The following RASGRF1 variants were observed in gnomAD, a reference collection of about 807,000 sequenced individuals.
The protein encoded by RASGRF1 is ras-specific guanine nucleotide-releasing factor 1.
In RASGRF1, 40 loss-of-function variants were observed where a neutral mutation model predicts 138.7. The observed-to-expected ratio is 0.29, with a 90% CI of 0.22 to 0.38. RASGRF1 has a LOEUF of 0.38. Among genes scored for constraint, RASGRF1 ranks in the 10% least tolerant of loss-of-function variants. RASGRF1 has a pLI of 1.00. For missense variants in RASGRF1, 1,108 were observed against 1,650.4 expected (o/e 0.67, Z 5.69); for synonymous variants, 614 against 663.2 (o/e 0.93, Z 1.14).
chr15:79,063,866 G>A (rs770415565), intron 2 of RASGRF1, among the ~76,000 whole-genome samples: 1 of 152,158 alleles, frequency 6.6e-6, no homozygotes, highest in Admixed American at 6.5e-5. Context: ...AGCCCCTGTT[G>A]TCTCTGTGGC....
At chr15:78,978,358 G>A (rs768081821) in intron 24 of RASGRF1, 6 of 262,470 alleles carry the variant, frequency 2.3e-5, no homozygotes, top group Non-Finnish European at 3.5e-5. Context: ...CCAAGTAGCT[G>A]GGATTATAGG....
chr15:78,985,458 A>C, intron 22 of RASGRF1: 1 of 399,050 alleles, frequency 2.5e-6, no homozygotes. Flanking sequence ...AACAATGGGA[A>C]TCTGTAAATA....
intron 25 of RASGRF1, among the ~76,000 whole-genome samples, chr15:78,972,888 G>A (rs1364257757): frequency 6.6e-6 from 1 of 152,108 alleles, no homozygotes; most frequent in Non-Finnish European, 1.5e-5. Flanking sequence ...AGCAAGTGTC[G>A]ATACGAACAA....
chr15:79,034,139 AAGG>A (rs1421573219), intron 6 of RASGRF1, among the ~76,000 whole-genome samples: 1 of 152,236 alleles, frequency 6.6e-6, no homozygotes, highest in Non-Finnish European at 1.5e-5. Flanking sequence ...GCCTGAGGGC[AAGG>A]GAGCTCTGGA....
At chr15:79,011,098 T>C (rs1306523898) in intron 13 of RASGRF1, among the ~76,000 whole-genome samples, 1 of 152,088 alleles carries the variant, frequency 6.6e-6, no homozygotes, top group Admixed American at 6.5e-5. Flanking sequence ...CCAGCTAGGC[T>C]ATCCGCTCCC....
intron 4 of RASGRF1, among the ~76,000 whole-genome samples, chr15:79,048,885 G>A (rs2057390582): frequency 6.6e-6 from 1 of 152,230 alleles, no homozygotes; most frequent in South Asian, 2.1e-4. Context: ...AGTCTGGCAA[G>A]CTACAAACAC....
At chr15:79,008,098 C>T (rs2056721121) in intron 13 of RASGRF1, among the ~76,000 whole-genome samples, 1 of 152,240 alleles carries the variant, frequency 6.6e-6, no homozygotes, top group African/African-American at 2.4e-5. Flanking sequence ...GCCTTGGCCT[C>T]CCAGAGTGCT....
At chr15:79,057,445 TGCAA>T (rs2057525980) in intron 3 of RASGRF1, among the ~76,000 whole-genome samples, 1 of 152,256 alleles carries the variant, frequency 6.6e-6, no homozygotes, top group Admixed American at 6.5e-5. Flanking sequence ...CATCAGACCC[TGCAA>T]ATTAGATACC....
At chr15:78,989,533 G>A (rs939525955) in intron 22 of RASGRF1, among the ~76,000 whole-genome samples, 3 of 151,202 alleles carry the variant, frequency 2.0e-5, no homozygotes, top group African/African-American at 4.9e-5. Flanking sequence ...TTAAACATTC[G>A]CTCAGCACTG....
intron 26 of RASGRF1, among the ~76,000 whole-genome samples, chr15:78,970,794 A>G (rs900506133): frequency 6.7e-6 from 1 of 149,874 alleles, no homozygotes; most frequent in African/African-American, 2.5e-5. Context: ...TTTTTATTAA[A>G]CAATTTTTTT....
intron 20 of RASGRF1, among the ~76,000 whole-genome samples, chr15:78,994,661 A>G (rs2056351251): frequency 6.6e-6 from 1 of 152,334 alleles, no homozygotes; most frequent in Admixed American, 6.5e-5. Flanking sequence ...GGAAGTGCAC[A>G]AGACCATCAT....
In RASGRF1 at chr15:79,005,661, G is replaced by A. The variant is rs2056654661; in HGVS notation, c.2075+525C>T. Reference sequence around the variant, plus strand: ...ACTCACCCCAAGTAGGCCAAAAAGGGCTCCATCATTTCTTAGAGTAGGAGG... The same window carrying A: ...ACTCACCCCAAGTAGGCCAAAAAGGACTCCATCATTTCTTAGAGTAGGAGG... On this transcript the variant is annotated intron_variant, in intron 14 of 26. Transcript: ENST00000558480. 18 of 987,930 alleles carry A rather than the reference G, an allele frequency of 1.8e-5. No homozygotes were observed. The South Asian group carries it at 8.3e-4, about 45-fold the overall frequency. The allele number at this position is 987,930 out of a possible 1,614,324, so 61.2% of individuals were successfully genotyped here. A position where few individuals can be genotyped will look rare whatever the true frequency, so the allele number is the denominator to read the frequency against.
intron 26 of RASGRF1, among the ~76,000 whole-genome samples, chr15:78,970,857 C>G (rs2055744482): frequency 7.1e-6 from 1 of 141,600 alleles, no homozygotes; most frequent in African/African-American, 2.6e-5. Context: ...CAACCATTCT[C>G]TTACATGGCC....
chr15:79,035,594 A>C (rs1358875307), intron 5 of RASGRF1, among the ~76,000 whole-genome samples: 1 of 152,198 alleles, frequency 6.6e-6, no homozygotes, highest in East Asian at 1.9e-4. Context: ...GGTATCTTGG[A>C]GGAAACCAGG....
intron 1 of RASGRF1, among the ~76,000 whole-genome samples, chr15:79,086,035 T>C (rs111925099): frequency 1.3e-5 from 2 of 152,004 alleles, no homozygotes; most frequent in Non-Finnish European, 2.9e-5. Context: ...TCTAGGAACA[T>C]TTGGGGGATG....
At position 79,015,344 on chromosome 15, in the gene RASGRF1, A is replaced by C; in HGVS notation, c.1809T>G (p.Thr603=). ...MNAFEENSKV[T]VPQMIKSDAS... is the part of the protein sequence containing the mutation. ...GCACTTACTTGATCATCTGCGGCAC[A>C]GTGACCTTGGAATTTTCTTCAAATG... Residue 603 remains threonine, a synonymous_variant, in exon 13 of 27, where the codon ACT becomes ACG. Coordinates refer to ENST00000558480, the MANE Select transcript of RASGRF1 (RefSeq NM_001145648.3). 6.2e-7 allele frequency: 1 copy of C among 1,613,746 alleles called. No individual in the cohort carries two copies. The highest frequency in any genetic ancestry group is 8.5e-7 in the Non-Finnish European group (1 of 1,179,596).
intron 15 of RASGRF1, among the ~76,000 whole-genome samples, chr15:79,003,596 C>G (rs190932469): frequency 6.6e-6 from 1 of 152,372 alleles, no homozygotes; most frequent in East Asian, 1.9e-4. Flanking sequence ...CCTGCCTCCC[C>G]CCGCAGCCTG....
At chr15:79,078,147 G>GTGTGTGTGTGTGTGTGTGAATGTGTC (rs149304846) in intron 1 of RASGRF1, among the ~76,000 whole-genome samples, 1 of 149,860 alleles carries the variant, frequency 6.7e-6, no homozygotes, top group African/African-American at 2.4e-5. Flanking sequence ...GTGTGTGTGT[G>GTGTGTGTGTGTGTGTGTGAATGTGTC]TGTGTGCATG....
chr15:78,963,170 G>A (rs1176585614), intron 26 of RASGRF1, among the ~76,000 whole-genome samples: 1 of 152,186 alleles, frequency 6.6e-6, no homozygotes, highest in Non-Finnish European at 1.5e-5. Context: ...TGCAATGAGA[G>A]ATCTGAGCTC....
Sources: allele counts gnomAD v4.1 joint callset (sites outside exome capture counted in the v4.1 genomes callset), GRCh38; gene constraint gnomAD v4.1.1; transcripts MANE v1.5; gene names NCBI Gene and HGNC (gene_info 2026-07-23, HGNC 2026-07-21).